Variants in DUSP10 observed in about 807,000 individuals in gnomAD.
DUSP10 encodes the protein dual specificity phosphatase 10.
DUSP10 carries 14 observed loss-of-function variants against 30.8 expected under a neutral mutation model. That is an observed-to-expected ratio of 0.46 (90% CI 0.30 to 0.71). DUSP10 has a LOEUF of 0.71. DUSP10 is among the 30% of genes least tolerant of loss of function. The probability of loss-of-function intolerance (pLI) is 0.08; values close to 1 mark genes in which losing one functional copy is unlikely to be tolerated. For synonymous variants in DUSP10, 254 were observed against 250.4 expected, an observed-to-expected ratio of 1.01 and a Z score of -0.14; for missense variants, 550 against 619.4, an observed-to-expected ratio of 0.89 and a Z score of 1.19.
chr1:221,727,543 A>G (rs1222724059), intron 2 of DUSP10, among the ~76,000 whole-genome samples: 2 of 152,206 alleles, frequency 1.3e-5, no homozygotes, highest in African/African-American at 4.8e-5. Context: ...TCTTTGAAAA[A>G]TGTCTTTCCT....
chr1:221,709,023 A>G (rs1660855554), intron 2 of DUSP10, among the ~76,000 whole-genome samples: 1 of 150,970 alleles, frequency 6.6e-6, no homozygotes, highest in African/African-American at 2.4e-5. Context: ...AAAAAAACCA[A>G]CACATGCTAG....
At chr1:221,715,434 A>G (rs1661069775) in intron 2 of DUSP10, among the ~76,000 whole-genome samples, 2 of 152,316 alleles carry the variant, frequency 1.3e-5, no homozygotes, top group Middle Eastern at 3.4e-3. Context: ...GGAGTAGCTC[A>G]GTCCACACAG....
chr1:221,716,764 G>T (rs867784578), intron 2 of DUSP10, among the ~76,000 whole-genome samples: 11 of 152,188 alleles, frequency 7.2e-5, no homozygotes, highest in African/African-American at 2.2e-4. Context: ...TGCAAGTTCA[G>T]TTTTCTTTCT....
At position 221,702,726 on chromosome 1, in the gene DUSP10, G is replaced by A. The variant is rs569699183; in HGVS notation, c.1184-49C>T. 22 of 1,584,214 alleles carry A rather than the reference G, an allele frequency of 1.4e-5. No individual in the cohort carries two copies. The African/African-American group carries it at 1.6e-4, about 12-fold the overall frequency. On this transcript the variant is annotated intron_variant, in intron 3 of 3. Transcript: ENST00000366899. The surrounding 1 kb of genome is among the most constrained non-coding windows in gnomAD (Gnocchi z 4.5). ...AGATGAAGGGAAGATGGAAGAGAGA[G>A]GCACGGAGAGAGAAACTTTCATCTC...
intron 2 of DUSP10, chr1:221,736,834 T>C: frequency 1.0e-6 from 1 of 985,412 alleles, no homozygotes; most frequent in Non-Finnish European, 1.2e-6. Flanking sequence ...AAACTACAAA[T>C]AATCTAACCT....
Position 221,739,518 on chromosome 1 carries a change from C to A in DUSP10, c.227G>T (p.Ser76Ile). Residue 76 changes from serine (S) to isoleucine (I), a missense_variant, in exon 2 of 4, where the codon AGC becomes ATC. By Grantham distance (142) the Ser-to-Ile change is moderately radical. Coordinates refer to ENST00000366899, the MANE Select transcript of DUSP10 (RefSeq NM_007207.6). ...GSARSLNCGC[S>I]SASCCTVATY... ...TGCCACAGTGCAGCAGCTGGCACTG[C>A]TGCATCCACAATTCAGCGAGCGGGC... 3 of 1,614,172 alleles carry A rather than the reference C, an allele frequency of 1.9e-6. No homozygotes were observed. The highest frequency in any genetic ancestry group is 2.5e-6 in the Non-Finnish European group (3 of 1,180,042).
Position 221,739,425 on chromosome 1 carries a change from C to G in DUSP10, c.320G>C (p.Gly107Ala), listed in dbSNP as rs1264841303. The change falls in exon 2 of 4, where the codon GGA becomes GCA. Residue 107 changes from glycine (G) to alanine (A), a missense_variant. Coordinates refer to ENST00000366899, the MANE Select transcript of DUSP10 (RefSeq NM_007207.6). Reference sequence around the variant, plus strand: ...GTTAGCAGGGCAGGTGGTAGAGGTTCCGATGGCAGTGGTGGTGGTGCCAGC... The same window carrying G: ...GTTAGCAGGGCAGGTGGTAGAGGTTGCGATGGCAGTGGTGGTGGTGCCAGC... ...IAAGTTTTAI[G>A]TSTTCPANQM... is the part of the protein sequence containing the mutation. 6.2e-7 allele frequency: 1 copy of G among 1,614,064 alleles called. No individual in the cohort carries two copies. Among genetic ancestry groups the G allele is most frequent in the Non-Finnish European group, 8.5e-7 (1 of 1,180,046 alleles).
At chr1:221,709,001 T>TAA (rs1660853290) in intron 2 of DUSP10, among the ~76,000 whole-genome samples, 1 of 96,136 alleles carries the variant, frequency 1.0e-5, no homozygotes, top group African/African-American at 4.6e-5. Flanking sequence ...AGCAGCTAGT[T>TAA]TAAAAAAAAA....
Position 221,726,140 on chromosome 1 carries a change from C to T in DUSP10, c.811+12794G>A, listed in dbSNP as rs141858681. ...CTTTGATAGGTATTTGGATCTTACA[C>T]TCAGGAAAGAAAAGCAGAAGTTAAA... On this transcript the variant is annotated intron_variant, in intron 2 of 3. Coordinates refer to ENST00000366899, the MANE Select transcript of DUSP10 (RefSeq NM_007207.6). Among the ~76,000 whole-genome samples, 40 of 152,236 alleles carry T rather than the reference C, an allele frequency of 2.6e-4. No individual in the cohort carries two copies. The East Asian group carries it at 5.2e-3, about 20-fold the overall frequency.
In DUSP10 at chr1:221,702,344, C is replaced by A. The variant is rs1022997962; in HGVS notation, c.*68G>T. 2.2e-5 allele frequency: 33 copies of A among 1,518,932 alleles called. No homozygotes were observed. Among genetic ancestry groups the A allele is most frequent in the Middle Eastern group, 2.1e-4 (1 of 4,844 alleles). The allele number at this position is 1,518,932 out of a possible 1,614,324, so 94.1% of individuals were successfully genotyped here. On this transcript the variant is annotated 3_prime_UTR_variant, in exon 4 of 4. Coordinates refer to ENST00000366899, the MANE Select transcript of DUSP10 (RefSeq NM_007207.6). This position sits in a 1 kb window ranked among gnomAD's most constrained non-coding sequence, Gnocchi z 4.5. The stretch of plus-strand genomic sequence containing the variant: ...CAAAAAAAAAAAGAAAGAAAAAAAA[C>A]CAGAATCCATCCTCCTTCCTCATTG...
intron 2 of DUSP10, among the ~76,000 whole-genome samples, chr1:221,736,402 C>A (rs1256443875): frequency 6.6e-6 from 1 of 152,182 alleles, no homozygotes; most frequent in Non-Finnish European, 1.5e-5. Context: ...AACTTCCCTG[C>A]AAAAATTACT....
At position 221,739,131 on chromosome 1, in the gene DUSP10, A is replaced by G. The variant is rs767693304; in HGVS notation, c.614T>C (p.Leu205Pro). 1 of 1,614,210 alleles carries G rather than the reference A, an allele frequency of 6.2e-7. No individual in the cohort carries two copies. The highest frequency in any genetic ancestry group is 8.5e-7 in the Non-Finnish European group (1 of 1,180,046). The change falls in exon 2 of 4, where the codon CTG (leucine) becomes CCG (proline). Residue 205 changes from leucine to proline, a missense_variant. By Grantham distance (98) the Leu-to-Pro change is moderately conservative (BLOSUM62 -3). Transcript: ENST00000366899. ...TAGGACAGTGATCTTGCCCTGCTGC[A>G]GTCTCCGCCGGCTGATCTTATCGGC... is the stretch of plus-strand genomic sequence containing the variant. ...NCADKISRRR[L>P]QQGKITVLDL...
intron 2 of DUSP10, 98 bp downstream of exon 2, chr1:221,738,836 T>G (rs1174037274): frequency 6.8e-7 from 1 of 1,464,702 alleles, no homozygotes; most frequent in African/African-American, 1.4e-5. Context: ...TTTTGGTCTT[T>G]GGTAGCCAGG....
At position 221,725,304 on chromosome 1, in the gene DUSP10, T is replaced by A. The variant is rs534013038; in HGVS notation, c.811+13630A>T. ...ATCTCATTCTCAGGCCTAAAAGTGT[T>A]CTCAAAGTTTGTTTTAATAAATGCA... On this transcript the variant is annotated intron_variant, in intron 2 of 3. Coordinates refer to ENST00000366899, the MANE Select transcript of DUSP10 (RefSeq NM_007207.6). Among the ~76,000 whole-genome samples, 7 of 152,338 alleles carry A rather than the reference T, an allele frequency of 4.6e-5. No homozygotes were observed. In the East Asian group the frequency reaches 1.4e-3, roughly 29 times the overall value.
Position 221,739,358 on chromosome 1 carries a change from T to C in DUSP10, c.387A>G (p.Pro129=), listed in dbSNP as rs776900311. The C allele has an allele frequency of 1.2e-6, 2 of 1,614,092 alleles. No individual in the cohort carries two copies. Among genetic ancestry groups the C allele is most frequent in the African/African-American group, 1.3e-5 (1 of 75,040 alleles). The change falls in exon 2 of 4, where the codon CCA becomes CCG. Residue 129 remains proline, a synonymous_variant. Transcript: ENST00000366899. ...NNNENTGSLS[P]SSGVGSPVSG... ...ACACAGGGCTGCCCACCCCACTTGATGGACTTAGAGAGCCTGTATTCTCAT... is the reference window on the plus strand; with the variant it reads ...ACACAGGGCTGCCCACCCCACTTGACGGACTTAGAGAGCCTGTATTCTCAT...
intron 1 of DUSP10, among the ~76,000 whole-genome samples, 198 bp from the exon 2 acceptor site, chr1:221,739,985 G>T (rs72736551): frequency 0.11 from 16,535 of 152,170 alleles, 967 homozygotes; most frequent in Middle Eastern, 0.16. Flanking sequence ...CAATCAATTT[G>T]GTTGCTAAGT....
At chr1:221,732,086 A>T (rs1661626940) in intron 2 of DUSP10, among the ~76,000 whole-genome samples, 1 of 152,212 alleles carries the variant, frequency 6.6e-6, no homozygotes, top group Non-Finnish European at 1.5e-5. Flanking sequence ...TCCCATCCAT[A>T]TATGTTGTCT....
At chr1:221,721,500 A>G (rs554840629) in intron 2 of DUSP10, among the ~76,000 whole-genome samples, 3 of 152,338 alleles carry the variant, frequency 2.0e-5, no homozygotes, top group Admixed American at 6.5e-5. Flanking sequence ...ATTCAGCACA[A>G]GGATTTAGAA....
At chr1:221,728,741 A>G (rs1214487693) in intron 2 of DUSP10, among the ~76,000 whole-genome samples, 2 of 152,260 alleles carry the variant, frequency 1.3e-5, no homozygotes, top group Non-Finnish European at 2.9e-5. Flanking sequence ...TACCTTTGGC[A>G]TTAGAGTCTT....
Sources: allele counts gnomAD v4.1 joint callset (sites outside exome capture counted in the v4.1 genomes callset), GRCh38; gene constraint gnomAD v4.1.1; non-coding constraint Gnocchi (gnomAD v3.1); transcripts MANE v1.5; gene names NCBI Gene and HGNC (gene_info 2026-07-23, HGNC 2026-07-21).